The following DNAH9 variants were observed in gnomAD, a reference collection of about 807,000 sequenced individuals.
DNAH9 encodes DNAH9 variant protein.
A neutral mutation model predicts 471.6 loss-of-function variants in DNAH9; 345 were observed. The ratio of observed to expected loss-of-function variants is 0.73; its 90% CI spans 0.67 to 0.80. The LOEUF (loss-of-function observed/expected upper bound fraction) is 0.80. Among genes scored for constraint, DNAH9 ranks in the 30% least tolerant of loss-of-function variants. DNAH9 has a pLI of 0.00. For synonymous variants in DNAH9, 2,093 were observed against 2,123.6 expected (o/e 0.99, Z 0.40); for missense variants, 5,407 against 5,609.2 (o/e 0.96, Z 1.15).
intron 33 of DNAH9, among the ~76,000 whole-genome samples, chr17:11,753,861 C>A (rs1967260753): frequency 6.6e-6 from 1 of 152,120 alleles, no homozygotes; most frequent in Non-Finnish European, 1.5e-5. Flanking sequence ...AGGTTTGTTA[C>A]GTAGGCAAAC....
At chr17:11,843,658 TAA>T (rs1034918116) in intron 49 of DNAH9, among the ~76,000 whole-genome samples, 18 of 151,440 alleles carry the variant, frequency 1.2e-4, no homozygotes, top group Non-Finnish European at 3.0e-5. Flanking sequence ...TTCAATAATA[TAA>T]AGTTAGCCAA....
At chr17:11,600,290 A>G (rs1421951075) in intron 1 of DNAH9, among the ~76,000 whole-genome samples, 1 of 152,196 alleles carries the variant, frequency 6.6e-6, no homozygotes, top group Non-Finnish European at 1.5e-5. Context: ...TCTGAGAAGC[A>G]TGCTTAACAT....
At chr17:11,652,725 G>C (rs1567692909) in intron 13 of DNAH9, 36 bp from the exon 14 acceptor site, 3 of 1,605,116 alleles carry the variant, frequency 1.9e-6, no homozygotes, top group Non-Finnish European at 2.6e-6. Flanking sequence ...GCCACTGCAG[G>C]CTATTTCAAT....
At chr17:11,672,035 G>T (rs997393755) in intron 17 of DNAH9, among the ~76,000 whole-genome samples, 1 of 152,158 alleles carries the variant, frequency 6.6e-6, no homozygotes. Context: ...TATTCTGGAG[G>T]ATTCGATAAA....
chr17:11,833,505 G>T (rs979335381), intron 48 of DNAH9, among the ~76,000 whole-genome samples: 2 of 152,178 alleles, frequency 1.3e-5, no homozygotes, highest in Non-Finnish European at 2.9e-5. Context: ...CTCACTGGAA[G>T]TCTGATGTTC....
In DNAH9 at chr17:11,781,063, G is replaced by A. The variant is rs368592408; in HGVS notation, c.7607G>A (p.Gly2536Glu). ...KKAGRNYGPP[G>E]NKKLIYFIDD... ...GCTGGCAGAAACTATGGCCCTCCAG[G>A]GAACAAGAAACTCATCTATTTCATT... Residue 2536 changes from glycine to glutamate, a missense_variant, in exon 39 of 69, where the codon GGG (glycine) becomes GAG (glutamate). Coordinates refer to ENST00000262442, the MANE Select transcript of DNAH9 (RefSeq NM_001372.4). 6.2e-7 allele frequency: 1 copy of A among 1,614,030 alleles called. No homozygotes were observed.
rs149916286 is a variant in DNAH9 at position 11,618,011 on chromosome 17, C to A, written c.1116+389C>A. On this transcript the variant is annotated intron_variant, in intron 5 of 68. Transcript: ENST00000262442. ...ACCAATCCCTGGCTTTGCCACTTGG[C>A]AGCCAGCATACCACTTCTGTGCCAG... Among the ~76,000 whole-genome samples the A allele has an allele frequency of 3.6e-3, 549 of 152,336 alleles. 3 individuals carry two copies. The highest frequency in any genetic ancestry group is 0.012 in the African/African-American group (502 of 41,586).
At chr17:11,846,954 G>A (rs1049407017) in intron 49 of DNAH9, among the ~76,000 whole-genome samples, 2 of 149,260 alleles carry the variant, frequency 1.3e-5, no homozygotes, top group Admixed American at 1.3e-4. Context: ...CTGCAAACAG[G>A]GACAATTTGA....
Position 11,623,111 on chromosome 17 carries a change from T to C in DNAH9, c.1350+3330T>C, listed in dbSNP as rs146681564. Reference sequence around the variant, plus strand: ...GCCTCAGCCTCCCAAGTAGCTGGGATTACAGGCATGTGCCACCATGCCTGG... The same window carrying C: ...GCCTCAGCCTCCCAAGTAGCTGGGACTACAGGCATGTGCCACCATGCCTGG... On this transcript the variant is annotated intron_variant, in intron 6 of 68. Transcript: ENST00000262442. This position sits in a 1 kb window ranked among gnomAD's most constrained non-coding sequence, Gnocchi z 4.1. Among the ~76,000 whole-genome samples, 97 of 151,982 alleles carry C rather than the reference T, an allele frequency of 6.4e-4. 1 individual carries two copies. The East Asian group carries it at 0.012, about 20-fold the overall frequency.
chr17:11,622,112 G>A (rs753189759), intron 6 of DNAH9, among the ~76,000 whole-genome samples: 3 of 150,952 alleles, frequency 2.0e-5, no homozygotes, highest in East Asian at 2.0e-4. Flanking sequence ...TGAGATTGAT[G>A]TGTTACTGGG....
intron 26 of DNAH9, among the ~76,000 whole-genome samples, chr17:11,717,159 A>T (rs2074978525): frequency 6.6e-6 from 1 of 152,256 alleles, no homozygotes; most frequent in African/African-American, 2.4e-5. Flanking sequence ...GAAGGGCAAC[A>T]TTCAGCCTTT....
chr17:11,806,562 G>GA (rs371488427), intron 43 of DNAH9, among the ~76,000 whole-genome samples: 20 of 146,374 alleles, frequency 1.4e-4, no homozygotes, highest in African/African-American at 2.7e-4. Flanking sequence ...ATTGCTAAAT[G>GA]AAAAAAAAAA....
chr17:11,799,873 C>T lies in DNAH9; in HGVS notation c.8420+2080C>T, dbSNP rs1969388586. 2.6e-5 allele frequency among the ~76,000 whole-genome samples: 4 copies of T among 152,316 alleles called. 1 individual carries two copies. The South Asian group carries it at 6.2e-4, about 24-fold the overall frequency. On this transcript the variant is annotated intron_variant, in intron 43 of 68. Transcript: ENST00000262442. ...GTGCTGGGATTACAGGCCTGAGCCA[C>T]TGCGCCCAGCCCCCACTATCTTCTT...
At chr17:11,745,131 G>A (rs758231767) in intron 31 of DNAH9, 47 bp downstream of exon 31, 43 of 1,477,174 alleles carry the variant, frequency 2.9e-5, no homozygotes, top group Non-Finnish European at 3.9e-5. Flanking sequence ...CTTACTTATT[G>A]TCCAGGATAA....
intron 17 of DNAH9, among the ~76,000 whole-genome samples, chr17:11,674,858 A>G (rs908766104): frequency 6.6e-6 from 1 of 152,196 alleles, no homozygotes; most frequent in African/African-American, 2.4e-5. Context: ...ACTCATGAAT[A>G]TGAAGAAATC....
chr17:11,795,551 T>C (rs1969212474), intron 42 of DNAH9, among the ~76,000 whole-genome samples: 1 of 152,228 alleles, frequency 6.6e-6, no homozygotes, highest in Non-Finnish European at 1.5e-5. Flanking sequence ...AAGTCACTTA[T>C]TTTATTCTGC....
At chr17:11,610,138 G>T (rs188627347) in intron 2 of DNAH9, among the ~76,000 whole-genome samples, 1 of 152,280 alleles carries the variant, frequency 6.6e-6, no homozygotes, top group Non-Finnish European at 1.5e-5. Flanking sequence ...TCAGGATATT[G>T]ATGAGCCCTG....
chr17:11,680,420 GA>G (rs1204255538), intron 18 of DNAH9, among the ~76,000 whole-genome samples: 15 of 152,194 alleles, frequency 9.9e-5, no homozygotes, highest in Non-Finnish European at 5.9e-5. Flanking sequence ...CTTCCTTTAA[GA>G]AAAATCTAAA....
At chr17:11,954,044 T>C (rs1975518161) in intron 67 of DNAH9, 1 of 151,784 alleles carries the variant, frequency 6.6e-6, no homozygotes, top group African/African-American at 2.4e-5. Flanking sequence ...TACACAGCAA[T>C]AAAAACATCT....
Sources: allele counts gnomAD v4.1 joint callset (sites outside exome capture counted in the v4.1 genomes callset), GRCh38; gene constraint gnomAD v4.1.1; non-coding constraint Gnocchi (gnomAD v3.1); transcripts MANE v1.5; gene names NCBI Gene and HGNC (gene_info 2026-07-23, HGNC 2026-07-21).